The following MORC4 variants were observed in gnomAD, a reference collection of about 807,000 sequenced individuals.
The protein encoded by MORC4 is MORC family CW-type zinc finger 4, also known as MORC family CW-type zinc finger protein 4.
A neutral mutation model predicts 65.5 loss-of-function variants in MORC4; 22 were observed. That is an observed-to-expected ratio of 0.34 (90% CI 0.24 to 0.48). The LOEUF (loss-of-function observed/expected upper bound fraction) is 0.48, where lower values mean the gene tolerates loss of function less well. Ranked by LOEUF, MORC4 falls within the 20% of genes least tolerant of loss-of-function variation. The probability of loss-of-function intolerance (pLI) is 0.99; values close to 1 mark genes in which losing one functional copy is unlikely to be tolerated. For missense variants in MORC4, 624 were observed against 703.0 expected (o/e 0.89, Z 1.27); for synonymous variants, 267 against 255.8 (o/e 1.04, Z -0.42).
intron 2 of MORC4, among the ~76,000 whole-genome samples, chrX:106,997,266 T>C (rs73533082): frequency 0.064 from 7,208 of 111,802 alleles, 610 homozygotes; most frequent in African/African-American, 0.22. Flanking sequence ...TTACTCTATT[T>C]CCATTGTCAG....
chrX:106,942,802 C>T lies in MORC4; in HGVS notation c.2089G>A (p.Val697Ile), dbSNP rs1933725615. ...NKGPFVAVVG[V>I]AKGVRDSGAP... ...CCTGAATCTCTAACACCTTTGGCAA[C>T]ACCCACAACAGCTACAAAAGGTCCC... Residue 697 changes from valine to isoleucine, a missense_variant, in exon 15 of 17, where the codon GTT (valine) becomes ATT (isoleucine). Coordinates refer to ENST00000355610, the MANE Select transcript of MORC4 (RefSeq NM_024657.5). 1.7e-6 allele frequency: 2 copies of T among 1,209,950 alleles called. No homozygotes were observed. Among genetic ancestry groups the T allele is most frequent in the African/African-American group, 1.7e-5 (1 of 57,186 alleles).
intron 11 of MORC4, among the ~76,000 whole-genome samples, chrX:106,957,255 T>C (rs757465399): frequency 1.8e-5 from 2 of 111,627 alleles, no homozygotes; most frequent in South Asian, 3.8e-4. Flanking sequence ...TTAACAATAA[T>C]TGGCAGCTAT....
chrX:106,979,152 C>G (rs997244838), intron 7 of MORC4, among the ~76,000 whole-genome samples: 2 of 110,719 alleles, frequency 1.8e-5, no homozygotes, highest in Non-Finnish European at 3.8e-5. Flanking sequence ...TCTCCATGCC[C>G]CCTCTAAAAG....
At chrX:106,964,254 C>T (rs766681955) in intron 9 of MORC4, among the ~76,000 whole-genome samples, 5 of 111,176 alleles carry the variant, frequency 4.5e-5, no homozygotes, top group African/African-American at 1.3e-4. Context: ...AAAAATCCAC[C>T]GCAGGAATTC....
chrX:106,952,893 C>A (rs1266550268), intron 14 of MORC4, among the ~76,000 whole-genome samples: 1 of 111,637 alleles, frequency 9.0e-6, no homozygotes, highest in Non-Finnish European at 1.9e-5. Flanking sequence ...TCCATTTTCC[C>A]CCATTAAAAG....
intron 9 of MORC4, among the ~76,000 whole-genome samples, chrX:106,971,119 T>C (rs1934500025): frequency 9.0e-6 from 1 of 111,311 alleles, no homozygotes; most frequent in African/African-American, 3.3e-5. Flanking sequence ...AAAACAGATA[T>C]ACAGATTAAA....
chrX:106,998,306 G>A (rs1250941345), intron 2 of MORC4, among the ~76,000 whole-genome samples: 1 of 111,643 alleles, frequency 9.0e-6, no homozygotes, highest in Non-Finnish European at 1.9e-5. Context: ...ACACATACTC[G>A]CGCTCATACT....
chrX:106,992,565 T>C lies in MORC4; in HGVS notation c.308+665A>G, dbSNP rs146875466. 4.1e-3 allele frequency among the ~76,000 whole-genome samples: 465 copies of C among 112,946 alleles called. 1 individual carries two copies. Among genetic ancestry groups the C allele is most frequent in the African/African-American group, 0.014 (433 of 31,144 alleles). On this transcript the variant is annotated intron_variant, in intron 3 of 16. Transcript: ENST00000355610. ...TGATTAAATGAACTGACAGTGGCAATAGAAATCTAGCACAAGCTTTAACAG... is the reference window on the plus strand; with the variant it reads ...TGATTAAATGAACTGACAGTGGCAACAGAAATCTAGCACAAGCTTTAACAG...
chrX:106,967,184 C>G (rs937224387), intron 9 of MORC4, among the ~76,000 whole-genome samples: 7 of 111,472 alleles, frequency 6.3e-5, no homozygotes, highest in Admixed American at 9.5e-5. Flanking sequence ...TGGAGTGGAC[C>G]TCCAGCAAAC....
chrX:106,984,453 T>C (rs1006346417), intron 5 of MORC4, among the ~76,000 whole-genome samples: 2 of 92,096 alleles, frequency 2.2e-5, no homozygotes, highest in African/African-American at 8.2e-5. Flanking sequence ...AACAACTCTG[T>C]TTTTCTTTTT....
At chrX:106,993,475 T>A in intron 2 of MORC4, 113 bp from the exon 3 acceptor site, 2 of 796,922 alleles carry the variant, frequency 2.5e-6, no homozygotes, top group Non-Finnish European at 1.8e-6. Flanking sequence ...TTCATTTGGA[T>A]GTTTGAGAAG....
At chrX:106,962,200 T>A (rs1047593472) in intron 9 of MORC4, 90 bp from the exon 10 acceptor site, 1 of 620,722 alleles carries the variant, frequency 1.6e-6, no homozygotes, top group Non-Finnish European at 2.6e-6. Flanking sequence ...CAGACACCAA[T>A]AATTTAGAGT....
chrX:106,970,123 T>C (rs1934474514), intron 9 of MORC4, among the ~76,000 whole-genome samples: 1 of 111,783 alleles, frequency 8.9e-6, no homozygotes, highest in Non-Finnish European at 1.9e-5. Flanking sequence ...AAAAAGCTTA[T>C]CCTCCACAAT....
intron 8 of MORC4, 138 bp downstream of exon 8, chrX:106,977,942 C>A (rs1009938951): frequency 1.5e-6 from 1 of 676,007 alleles, no homozygotes; most frequent in Non-Finnish European, 2.2e-6. Context: ...TCACTGGTAA[C>A]ACAATTCCAG....
At chrX:106,958,669 T>C (rs1165858914) in intron 10 of MORC4, among the ~76,000 whole-genome samples, 1 of 111,839 alleles carries the variant, frequency 8.9e-6, no homozygotes, top group African/African-American at 3.2e-5. Flanking sequence ...ATATGAAAAA[T>C]AGTAACAAGT....
intron 14 of MORC4, among the ~76,000 whole-genome samples, chrX:106,949,315 C>CT (rs1177796842): frequency 9.0e-6 from 1 of 111,565 alleles, no homozygotes; most frequent in Non-Finnish European, 1.9e-5. Context: ...TCCTTTAGTT[C>CT]TTTGAATGTG....
intron 7 of MORC4, 61 bp from the exon 8 acceptor site, chrX:106,978,260 C>T (rs12012022): frequency 0.2 from 219,650 of 1,115,345 alleles, 15,628 homozygotes; most frequent in South Asian, 0.25. Flanking sequence ...AAATTTTACA[C>T]CATATTATAG....
intron 14 of MORC4, among the ~76,000 whole-genome samples, 182 bp from the exon 15 acceptor site, chrX:106,943,387 T>C (rs1325963072): frequency 3.6e-5 from 4 of 111,496 alleles, no homozygotes; most frequent in Non-Finnish European, 3.8e-5. Flanking sequence ...GTGCGACTGG[T>C]ATTAACGGAG....
chrX:106,976,374 G>T (rs1376825202), intron 9 of MORC4, among the ~76,000 whole-genome samples: 1 of 111,692 alleles, frequency 9.0e-6, no homozygotes, highest in Non-Finnish European at 1.9e-5. Flanking sequence ...ATTTCTAAAG[G>T]TAAGGTTTAT....
Sources: gnomAD v4.1 joint callset for allele counts (sites outside exome capture counted in the v4.1 genomes callset) on GRCh38, gnomAD v4.1.1 for gene constraint, MANE v1.5 for transcripts, NCBI Gene and HGNC (gene_info 2026-07-23, HGNC 2026-07-21) for gene names.